PPM1E: variants seen among roughly 807,000 people sequenced by gnomAD.
The protein encoded by PPM1E is protein phosphatase 1E.
Under a neutral mutation model 65.9 loss-of-function variants are expected in PPM1E, and 20 were observed. The observed-to-expected ratio is 0.30, with a 90% CI of 0.21 to 0.44. The LOEUF (loss-of-function observed/expected upper bound fraction) is 0.44, where lower values mean the gene tolerates loss of function less well. Among genes scored for constraint, PPM1E ranks in the 20% least tolerant of loss-of-function variants. The probability of loss-of-function intolerance (pLI) is 1.00; values close to 1 mark genes in which losing one functional copy is unlikely to be tolerated. For missense variants in PPM1E, 713 were observed against 953.1 expected, an observed-to-expected ratio of 0.75 and a Z score of 3.32; for synonymous variants, 352 against 374.9, an observed-to-expected ratio of 0.94 and a Z score of 0.70.
chr17:58,902,871 A>T (rs1269916630), intron 1 of PPM1E, among the ~76,000 whole-genome samples: 2 of 152,202 alleles, frequency 1.3e-5, no homozygotes, highest in Non-Finnish European at 2.9e-5. Flanking sequence ...TAGTTGGATA[A>T]CATCAGAAAT....
chr17:58,911,166 C>T (rs1390993166), intron 1 of PPM1E, among the ~76,000 whole-genome samples: 3 of 152,270 alleles, frequency 2.0e-5, no homozygotes, highest in African/African-American at 4.8e-5. Flanking sequence ...TCTCTGTATA[C>T]ACCTGTCCAA....
At chr17:58,969,154 T>A (rs370292498) in intron 3 of PPM1E, among the ~76,000 whole-genome samples, 1 of 152,196 alleles carries the variant, frequency 6.6e-6, no homozygotes, top group South Asian at 2.1e-4. Context: ...AAAAAATCAC[T>A]CAATCTGGAG....
chr17:58,971,006 ATTTGT>A (rs1051084646), intron 4 of PPM1E, among the ~76,000 whole-genome samples: 2 of 151,450 alleles, frequency 1.3e-5, no homozygotes, highest in Non-Finnish European at 2.9e-5. Flanking sequence ...TGTTTACCTC[ATTTGT>A]TTTGTCAGTG....
At chr17:58,797,021 T>C (rs2050213471) in intron 1 of PPM1E, among the ~76,000 whole-genome samples, 2 of 152,134 alleles carry the variant, frequency 1.3e-5, no homozygotes, top group Non-Finnish European at 2.9e-5. Context: ...AGCAGGAGAA[T>C]CACTGGAACT....
chr17:58,946,207 A>C (rs2052148553), intron 1 of PPM1E, among the ~76,000 whole-genome samples: 2 of 152,134 alleles, frequency 1.3e-5, no homozygotes, highest in Non-Finnish European at 2.9e-5. Context: ...TCAAAGACTA[A>C]ATATTAGAAG....
chr17:58,974,788 C>T (rs575792424), intron 6 of PPM1E, among the ~76,000 whole-genome samples: 2 of 152,222 alleles, frequency 1.3e-5, no homozygotes, highest in Admixed American at 1.3e-4. Context: ...TTAGCTTTCA[C>T]CACTGATTTG....
intron 1 of PPM1E, among the ~76,000 whole-genome samples, chr17:58,879,001 T>C (rs2051159356): frequency 6.6e-6 from 1 of 152,134 alleles, no homozygotes; most frequent in Non-Finnish European, 1.5e-5. Context: ...CCATTTATTT[T>C]TCCTCCTTTT....
intron 1 of PPM1E, among the ~76,000 whole-genome samples, chr17:58,920,275 T>C (rs1040406722): frequency 7.9e-5 from 12 of 152,230 alleles, no homozygotes; most frequent in Non-Finnish European, 1.5e-4. Context: ...TATTTCATTA[T>C]CTACACAGAC....
At chr17:58,927,743 CAAAACATTTT>C (rs2051841769) in intron 1 of PPM1E, among the ~76,000 whole-genome samples, 1 of 152,028 alleles carries the variant, frequency 6.6e-6, no homozygotes, top group Middle Eastern at 3.4e-3. Flanking sequence ...CCTGTCTCCA[CAAAACATTTT>C]AAAAATTAAA....
intron 2 of PPM1E, 141 bp from the exon 3 acceptor site, chr17:58,965,553 T>G (rs904081623): frequency 2.4e-6 from 2 of 817,012 alleles, no homozygotes; most frequent in African/African-American, 3.4e-5. Flanking sequence ...GAAGCAGCAT[T>G]TCATTTTTCT....
At chr17:58,894,377 T>C (rs1362002620) in intron 1 of PPM1E, among the ~76,000 whole-genome samples, 2 of 152,212 alleles carry the variant, frequency 1.3e-5, no homozygotes, top group East Asian at 3.8e-4. Flanking sequence ...AAGAATATTC[T>C]TAACATTCTT....
In PPM1E at chr17:58,921,518, T is replaced by TACAA. The variant is rs529014528; in HGVS notation, c.465-34109_465-34106dup. The stretch of plus-strand genomic sequence containing the variant: ...AGGCAGCATAGTGAGACTCCATCTC[T>TACAA]ACAAACAAACAAACAAACAAACAAA... On this transcript the variant is annotated intron_variant, in intron 1 of 6. Transcript: ENST00000308249. 7.7e-3 allele frequency among the ~76,000 whole-genome samples: 1,171 copies of TACAA among 151,104 alleles called. 5 individuals carry two copies. Among genetic ancestry groups the TACAA allele is most frequent in the Non-Finnish European group, 0.011 (734 of 67,758 alleles).
chr17:58,922,347 G>T (rs2051763483), intron 1 of PPM1E, among the ~76,000 whole-genome samples: 1 of 151,924 alleles, frequency 6.6e-6, no homozygotes, highest in South Asian at 2.1e-4. Flanking sequence ...CGAACTCCTG[G>T]GCTCAAGGGA....
chr17:58,793,973 A>T (rs1456247354), intron 1 of PPM1E, among the ~76,000 whole-genome samples: 1 of 152,074 alleles, frequency 6.6e-6, no homozygotes, highest in African/African-American at 2.4e-5. Flanking sequence ...CCTCCTGAGT[A>T]GCTGGGACTA....
intron 1 of PPM1E, chr17:58,785,659 A>C (rs1473867844): frequency 6.6e-6 from 1 of 151,510 alleles, no homozygotes; most frequent in Non-Finnish European, 1.5e-5. Context: ...GGAAGATAGG[A>C]GAGAAAGTAC....
chr17:58,790,621 C>A (rs1181834869), intron 1 of PPM1E, among the ~76,000 whole-genome samples: 1 of 152,086 alleles, frequency 6.6e-6, no homozygotes, highest in East Asian at 1.9e-4. Flanking sequence ...AAATATTTTT[C>A]TTGAGATAAT....
At chr17:58,793,904 C>T (rs962740779) in intron 1 of PPM1E, among the ~76,000 whole-genome samples, 3 of 151,972 alleles carry the variant, frequency 2.0e-5, no homozygotes, top group Admixed American at 6.6e-5. Flanking sequence ...AGTGCAGCAG[C>T]GCAATCTTGG....
chr17:58,879,501 C>CTTTTTTT (rs71367639), intron 1 of PPM1E, among the ~76,000 whole-genome samples: 6 of 88,788 alleles, frequency 6.8e-5, no homozygotes, highest in African/African-American at 1.8e-4. Flanking sequence ...CTGAGATTAA[C>CTTTTTTT]TTTTTTTTTT....
At chr17:58,820,710 T>C (rs2050471164) in intron 1 of PPM1E, among the ~76,000 whole-genome samples, 1 of 152,204 alleles carries the variant, frequency 6.6e-6, no homozygotes, top group African/African-American at 2.4e-5. Flanking sequence ...CAAATGGTGC[T>C]AGAAGCTCAA....
Sources: allele counts gnomAD v4.1 joint callset (sites outside exome capture counted in the v4.1 genomes callset), GRCh38; gene constraint gnomAD v4.1.1; transcripts MANE v1.5; gene names NCBI Gene and HGNC (gene_info 2026-07-23, HGNC 2026-07-21).